Variants in GALNT13 observed in about 807,000 individuals in gnomAD.
The protein encoded by GALNT13 is polypeptide N-acetylgalactosaminyltransferase 13.
Under a neutral mutation model 64.2 loss-of-function variants are expected in GALNT13, and 28 were observed. That is an observed-to-expected ratio of 0.44 (90% CI 0.32 to 0.60). The LOEUF is 0.60. Among genes scored for constraint, GALNT13 ranks in the 20% least tolerant of loss-of-function variants. The pLI is 0.05. For synonymous variants in GALNT13, 214 were observed against 224.6 expected (o/e 0.95, Z 0.42); for missense variants, 577 against 669.8 (o/e 0.86, Z 1.53).
the GALNT13 span, among the ~76,000 whole-genome samples, chr2:153,687,608 T>G: frequency 0.01 from 1,526 of 152,074 alleles, 27 homozygotes; most frequent in African/African-American, 0.034. Context: ...GCCTGTCACT[T>G]ATTCATGTCA....
chr2:153,329,296 G>A, the GALNT13 span, among the ~76,000 whole-genome samples: 1 of 152,124 alleles, frequency 6.6e-6, no homozygotes. Flanking sequence ...GCTGTATACT[G>A]AGTAATGAGA....
At chr2:153,426,014 A>G in the GALNT13 span, among the ~76,000 whole-genome samples, 1 of 151,886 alleles carries the variant, frequency 6.6e-6, no homozygotes, top group Non-Finnish European at 1.5e-5. Context: ...CTTGGATTTC[A>G]CCAATTTTGT....
At chr2:154,051,306 C>T (rs1429856771) in intron 3 of GALNT13, among the ~76,000 whole-genome samples, 3 of 104,020 alleles carry the variant, frequency 2.9e-5, no homozygotes, top group Admixed American at 2.7e-4. Context: ...TTTTTTGAGA[C>T]GGAGTCTCGC....
the GALNT13 span, chr2:153,446,835 C>T: frequency 2.6e-4 from 39 of 152,272 alleles, no homozygotes; most frequent in African/African-American, 9.1e-4. Flanking sequence ...AAAGCATCAA[C>T]ACTCATTAGG....
chr2:154,455,965 G>A (rs1702027174), downstream of GALNT13, among the ~76,000 whole-genome samples: 1 of 152,108 alleles, frequency 6.6e-6, no homozygotes, highest in African/African-American at 2.4e-5. Context: ...GAGTTAGAAT[G>A]AGAATGGAAA....
At chr2:153,362,571 A>AAAG in the GALNT13 span, among the ~76,000 whole-genome samples, 9 of 142,532 alleles carry the variant, frequency 6.3e-5, no homozygotes, top group African/African-American at 2.0e-4. Flanking sequence ...AAAAAAAAAA[A>AAAG]AAAGGCAGGG....
At chr2:154,409,214 A>T (rs1257858834) in intron 11 of GALNT13, 132 bp downstream of exon 11, 1 of 700,938 alleles carries the variant, frequency 1.4e-6, no homozygotes, top group Non-Finnish European at 2.6e-6. Flanking sequence ...CAAATCTAGA[A>T]CTAATTTGGC....
chr2:154,093,812 A>G (rs994373443), intron 3 of GALNT13, among the ~76,000 whole-genome samples: 1 of 151,700 alleles, frequency 6.6e-6, no homozygotes, highest in Non-Finnish European at 1.5e-5. Context: ...CAACTAGTGT[A>G]TTAAAGAGCA....
At chr2:153,166,939 T>C in the GALNT13 span, among the ~76,000 whole-genome samples, 4 of 152,314 alleles carry the variant, frequency 2.6e-5, no homozygotes, top group South Asian at 8.3e-4. Context: ...CCAACAACCA[T>C]GTGAGTTTGG....
At chr2:153,362,728 G>T in the GALNT13 span, among the ~76,000 whole-genome samples, 72,221 of 151,702 alleles carry the variant, frequency 0.48, 17,844 homozygotes, top group Non-Finnish European at 0.52. Context: ...GAGCACCCAG[G>T]TTCGTTCATA....
At chr2:153,280,870 T>C in the GALNT13 span, among the ~76,000 whole-genome samples, 1 of 152,194 alleles carries the variant, frequency 6.6e-6, no homozygotes. Flanking sequence ...TGCAGATGTC[T>C]ATTAGGTCCA....
the GALNT13 span, among the ~76,000 whole-genome samples, chr2:153,531,705 A>G: frequency 6.6e-6 from 1 of 152,216 alleles, no homozygotes; most frequent in Non-Finnish European, 1.5e-5. Context: ...TAAAATAATA[A>G]TAATAATAAC....
intron 12 of GALNT13, among the ~76,000 whole-genome samples, chr2:154,449,330 A>C (rs1282849068): frequency 6.6e-6 from 1 of 151,206 alleles, no homozygotes; most frequent in Non-Finnish European, 1.5e-5. Flanking sequence ...TCCTAATCTA[A>C]GCAAACTACA....
chr2:154,376,295 T>G (rs888012975), intron 9 of GALNT13, among the ~76,000 whole-genome samples: 3 of 152,164 alleles, frequency 2.0e-5, no homozygotes, highest in Non-Finnish European at 1.5e-5. Context: ...TTCAGCTACT[T>G]CTATTTAATG....
intron 4 of GALNT13, among the ~76,000 whole-genome samples, chr2:154,141,078 ATAGT>A (rs991115631): frequency 1.3e-5 from 2 of 152,206 alleles, no homozygotes; most frequent in Non-Finnish European, 2.9e-5. Context: ...TAGAAAAGGT[ATAGT>A]AAAAACACGG....
At chr2:153,630,794 T>C in the GALNT13 span, among the ~76,000 whole-genome samples, 1 of 13,006 alleles carries the variant, frequency 7.7e-5, no homozygotes, top group African/African-American at 2.6e-4. Flanking sequence ...TATATATATA[T>C]ATATATATAT....
the GALNT13 span, among the ~76,000 whole-genome samples, chr2:153,702,578 C>A: frequency 6.6e-6 from 1 of 152,008 alleles, no homozygotes; most frequent in Non-Finnish European, 1.5e-5. Flanking sequence ...ATTTAGACAA[C>A]AAGATCGATT....
At chr2:153,898,808 T>TA (rs1358555785) in intron 1 of GALNT13, among the ~76,000 whole-genome samples, 1 of 125,890 alleles carries the variant, frequency 7.9e-6, no homozygotes, top group Non-Finnish European at 1.7e-5. Context: ...ATTGACAAAA[T>TA]ACAGTTTTTG....
At chr2:153,189,128 A>G in the GALNT13 span, among the ~76,000 whole-genome samples, 98 of 152,248 alleles carry the variant, frequency 6.4e-4, 1 homozygote, top group African/African-American at 2.1e-3. Context: ...CTTTCCAGAC[A>G]GTTTTTATTC....
Sources: gnomAD v4.1 joint callset for allele counts (sites outside exome capture counted in the v4.1 genomes callset) on GRCh38, gnomAD v4.1.1 for gene constraint, MANE v1.5 for transcripts, NCBI Gene and HGNC (gene_info 2026-07-23, HGNC 2026-07-21) for gene names.